The following EYS variants were observed in gnomAD, a reference collection of about 807,000 sequenced individuals.
The protein encoded by EYS is protein eyes shut homolog.
A neutral mutation model predicts 282.1 loss-of-function variants in EYS; 250 were observed. The observed-to-expected ratio is 0.89, with a 90% CI of 0.80 to 0.98. The LOEUF (loss-of-function observed/expected upper bound fraction) is 0.98, where lower values mean the gene tolerates loss of function less well. Ranked by LOEUF, EYS falls within the 50% of genes least tolerant of loss-of-function variation. The pLI is 0.00. For synonymous variants in EYS, 1,355 were observed against 1,282.9 expected (o/e 1.06, Z -1.20); for missense variants, 4,016 against 3,709.0 (o/e 1.08, Z -2.15).
chr6:65,646,406 A>G (rs1225956281), intron 1 of EYS, among the ~76,000 whole-genome samples: 1 of 152,200 alleles, frequency 6.6e-6, no homozygotes, highest in Non-Finnish European at 1.5e-5. Flanking sequence ...CAACATAAAC[A>G]GAATTAAAAA....
intron 41 of EYS, among the ~76,000 whole-genome samples, chr6:63,736,542 C>T (rs1343635857): frequency 6.6e-6 from 1 of 151,986 alleles, no homozygotes; most frequent in Non-Finnish European, 1.5e-5. Flanking sequence ...CTTTGTTCTT[C>T]TGGCTTAGGA....
chr6:63,733,124 G>A (rs1411366856), intron 41 of EYS, among the ~76,000 whole-genome samples: 2 of 152,008 alleles, frequency 1.3e-5, no homozygotes, highest in Non-Finnish European at 2.9e-5. Context: ...AGGAAGGAGG[G>A]CAGTGTGACT....
At chr6:64,301,461 A>C (rs1457021935) in intron 30 of EYS, among the ~76,000 whole-genome samples, 1 of 152,190 alleles carries the variant, frequency 6.6e-6, no homozygotes, top group Admixed American at 6.5e-5. Context: ...CAGGGTTAAT[A>C]GGACAGATGG....
intron 2 of EYS, among the ~76,000 whole-genome samples, chr6:65,572,042 C>A (rs1764493462): frequency 6.6e-6 from 1 of 151,968 alleles, no homozygotes; most frequent in Non-Finnish European, 1.5e-5. Context: ...GGAAAATCTT[C>A]TCTGGTGAAT....
intron 33 of EYS, among the ~76,000 whole-genome samples, chr6:63,999,829 A>T (rs1019883933): frequency 6.6e-6 from 1 of 152,256 alleles, no homozygotes; most frequent in African/African-American, 2.4e-5. Flanking sequence ...TGATGCAATC[A>T]TATGAAAAGG....
At chr6:64,708,852 A>G (rs1486267155) in intron 22 of EYS, among the ~76,000 whole-genome samples, 1 of 152,174 alleles carries the variant, frequency 6.6e-6, no homozygotes, top group Non-Finnish European at 1.5e-5. Flanking sequence ...TTTCTGACTC[A>G]AGTATCCCTT....
At chr6:64,027,489 C>T (rs1033378780) in intron 33 of EYS, among the ~76,000 whole-genome samples, 7 of 152,142 alleles carry the variant, frequency 4.6e-5, no homozygotes, top group Non-Finnish European at 5.9e-5. Flanking sequence ...ACCTGGCAAC[C>T]TCGGTGTTCT....
intron 26 of EYS, among the ~76,000 whole-genome samples, chr6:64,482,252 A>C (rs1776456975): frequency 6.6e-6 from 1 of 151,668 alleles, no homozygotes; most frequent in Non-Finnish European, 1.5e-5. Context: ...CTCACTTACA[A>C]GGGGAATAGG....
rs973482302 is a variant in EYS, at chr6:65,279,509, G to C, written c.2023+16354C>G. ...TTCAGTCTTCTCCAGTAAAATTTTA[G>C]CTTCCCAAAAGAAGACAGGCTTTTT... On this transcript the variant is annotated intron_variant, in intron 12 of 42. Coordinates refer to ENST00000503581, the MANE Select transcript of EYS (RefSeq NM_001142800.2). 3.3e-5 allele frequency among the ~76,000 whole-genome samples: 5 copies of C among 151,978 alleles called. No individual in the cohort carries two copies. The South Asian group carries it at 8.3e-4, about 25-fold the overall frequency.
chr6:64,349,477 C>T (rs979121126), intron 29 of EYS, among the ~76,000 whole-genome samples: 4 of 150,994 alleles, frequency 2.6e-5, no homozygotes, highest in South Asian at 2.1e-4. Context: ...TTGTTTTCAG[C>T]CTGAACAATT....
intron 26 of EYS, among the ~76,000 whole-genome samples, chr6:64,513,717 A>T (rs1295091476): frequency 2.6e-5 from 4 of 151,908 alleles, no homozygotes; most frequent in African/African-American, 9.7e-5. Context: ...AAATGTGAGT[A>T]AATGTATTAA....
At chr6:65,120,407 T>G (rs1210252012) in intron 12 of EYS, among the ~76,000 whole-genome samples, 1 of 140,322 alleles carries the variant, frequency 7.1e-6, no homozygotes, top group African/African-American at 2.7e-5. Context: ...AGACAAGGAC[T>G]GACATGGCTC....
intron 7 of EYS, among the ~76,000 whole-genome samples, chr6:65,393,774 A>G (rs554116771): frequency 1.3e-5 from 2 of 152,206 alleles, no homozygotes; most frequent in South Asian, 4.1e-4. Flanking sequence ...GGGGGAAGTT[A>G]TGTTAATACA....
At chr6:64,604,158 T>A (rs1766852274) in intron 24 of EYS, among the ~76,000 whole-genome samples, 1 of 152,114 alleles carries the variant, frequency 6.6e-6, no homozygotes, top group South Asian at 2.1e-4. Flanking sequence ...TGAGAGTCAT[T>A]GCCTGGGACA....
chr6:65,300,026 T>C (rs1768774155), intron 11 of EYS, among the ~76,000 whole-genome samples: 1 of 152,222 alleles, frequency 6.6e-6, no homozygotes, highest in Non-Finnish European at 1.5e-5. Flanking sequence ...AGAGGTCATA[T>C]GCATTTACTT....
chr6:64,087,353 G>T (rs1772189727), intron 31 of EYS, among the ~76,000 whole-genome samples: 1 of 152,036 alleles, frequency 6.6e-6, no homozygotes, highest in African/African-American at 2.4e-5. Context: ...TTCATAGAAG[G>T]AAACCCCAAG....
At chr6:65,189,405 G>A (rs1581998434) in intron 12 of EYS, among the ~76,000 whole-genome samples, 2 of 151,646 alleles carry the variant, frequency 1.3e-5, no homozygotes, top group South Asian at 4.1e-4. Context: ...AGAAATAAGA[G>A]CAGCCACAGC....
At chr6:65,477,771 C>A (rs1252128087) in intron 5 of EYS, among the ~76,000 whole-genome samples, 1 of 152,098 alleles carries the variant, frequency 6.6e-6, no homozygotes, top group Non-Finnish European at 1.5e-5. Flanking sequence ...GCAAATCATA[C>A]ATTTCATTTT....
chr6:65,127,109 A>C (rs915947407), intron 12 of EYS, among the ~76,000 whole-genome samples: 1 of 152,134 alleles, frequency 6.6e-6, no homozygotes, highest in Non-Finnish European at 1.5e-5. Flanking sequence ...TAACTCTAGA[A>C]TCATCAAAAT....
Sources: gnomAD v4.1 joint callset for allele counts (sites outside exome capture counted in the v4.1 genomes callset) on GRCh38, gnomAD v4.1.1 for gene constraint, MANE v1.5 for transcripts, NCBI Gene and HGNC (gene_info 2026-07-23, HGNC 2026-07-21) for gene names.